The following RBMS3 variants were observed in gnomAD, a reference collection of about 807,000 sequenced individuals.
RBMS3 encodes the protein RNA-binding motif, single-stranded-interacting protein 3.
A neutral mutation model predicts 66.8 loss-of-function variants in RBMS3; 27 were observed. That is an observed-to-expected ratio of 0.40 (90% confidence interval 0.30 to 0.56). The LOEUF is 0.56. RBMS3 is among the 20% of genes least tolerant of loss of function. RBMS3 has a pLI of 0.40. For missense variants in RBMS3, 513 were observed against 549.5 expected, an observed-to-expected ratio of 0.93 and a Z score of 0.66; for synonymous variants, 188 against 183.0, an observed-to-expected ratio of 1.03 and a Z score of -0.22.
intron 12 of RBMS3, among the ~76,000 whole-genome samples, chr3:29,955,410 C>A (rs756035321): frequency 2.0e-5 from 3 of 151,986 alleles, no homozygotes; most frequent in Non-Finnish European, 4.4e-5. Flanking sequence ...ATTTCAAAGT[C>A]ACTGCCACTC....
At chr3:29,742,900 A>C (rs1052351818) in intron 5 of RBMS3, among the ~76,000 whole-genome samples, 1 of 152,246 alleles carries the variant, frequency 6.6e-6, no homozygotes, top group African/African-American at 2.4e-5. Context: ...TGTATTTCAG[A>C]AAGTGCCATG....
chr3:29,714,048 C>CT, intron 4 of RBMS3, among the ~76,000 whole-genome samples: 1 of 152,188 alleles, frequency 6.6e-6, no homozygotes, highest in East Asian at 1.9e-4. Context: ...GAGGGCGACT[C>CT]TGTCTCAAAA....
intron 4 of RBMS3, among the ~76,000 whole-genome samples, chr3:29,615,698 G>C (rs1365883733): frequency 6.6e-6 from 1 of 152,180 alleles, no homozygotes; most frequent in Non-Finnish European, 1.5e-5. Flanking sequence ...CAACATAGCT[G>C]TGGTAAACTT....
intron 12 of RBMS3, among the ~76,000 whole-genome samples, chr3:29,960,553 AC>A (rs1696360758): frequency 6.6e-6 from 1 of 152,118 alleles, no homozygotes; most frequent in South Asian, 2.1e-4. Flanking sequence ...GGGAACTCGC[AC>A]CCCACATTTC....
At chr3:29,625,691 G>A (rs1398607189) in intron 4 of RBMS3, among the ~76,000 whole-genome samples, 1 of 128,600 alleles carries the variant, frequency 7.8e-6, no homozygotes, top group Non-Finnish European at 1.6e-5. Flanking sequence ...AGAGTGAAAC[G>A]CCATTAAAGT....
rs1699811494 is a variant in RBMS3, at chr3:30,006,694, G to C, written c.*2832G>C. 1.3e-5 allele frequency: 2 copies of C among 151,802 alleles called. No homozygotes were observed. Among genetic ancestry groups the C allele is most frequent in the Non-Finnish European group, 2.9e-5 (2 of 67,866 alleles). 9.4% of individuals were successfully genotyped at this position (151,802 alleles called of 1,614,324 possible). ...GGATTATCCTGGGCATAATTCATTTGAATATGAAACCAACATACTTTCTTT... is the reference window on the plus strand; with the variant it reads ...GGATTATCCTGGGCATAATTCATTTCAATATGAAACCAACATACTTTCTTT... On this transcript the variant is annotated 3_prime_UTR_variant, in exon 15 of 15. Coordinates refer to ENST00000383767, the MANE Select transcript of RBMS3 (RefSeq NM_001003793.3).
At chr3:29,411,617 T>G (rs1392672620) in intron 1 of RBMS3, among the ~76,000 whole-genome samples, 1 of 152,056 alleles carries the variant, frequency 6.6e-6, no homozygotes, top group Non-Finnish European at 1.5e-5. Context: ...AGAGAGAGAG[T>G]GAAACTTTTA....
chr3:29,354,890 T>C (rs2037127708), intron 1 of RBMS3, among the ~76,000 whole-genome samples: 1 of 151,012 alleles, frequency 6.6e-6, no homozygotes, highest in Admixed American at 6.6e-5. Context: ...TCTAAGAACT[T>C]CAACTATATT....
At chr3:29,710,629 CAT>C (rs1186408273) in intron 4 of RBMS3, among the ~76,000 whole-genome samples, 2 of 152,148 alleles carry the variant, frequency 1.3e-5, no homozygotes, top group Non-Finnish European at 2.9e-5. Flanking sequence ...CAAGTGAAAA[CAT>C]AGTGTGTTAG....
chr3:29,669,673 G>A (rs1450225719), intron 4 of RBMS3, among the ~76,000 whole-genome samples: 2 of 152,150 alleles, frequency 1.3e-5, no homozygotes, highest in East Asian at 3.8e-4. Context: ...GGTTCCATGG[G>A]TGATTTTTTT....
chr3:29,917,718 C>T (rs2060674616), intron 10 of RBMS3, among the ~76,000 whole-genome samples: 1 of 152,064 alleles, frequency 6.6e-6, no homozygotes, highest in Non-Finnish European at 1.5e-5. Context: ...CTCCCAAAAC[C>T]TCTCCTGAAA....
chr3:29,865,136 A>AAGGAAGGAAGGAAGGAAGGAAGGAAG (rs2059328128), intron 6 of RBMS3, among the ~76,000 whole-genome samples: 1 of 112,868 alleles, frequency 8.9e-6, no homozygotes, highest in African/African-American at 5.0e-5. Context: ...AAGGAAGGAA[A>AAGGAAGGAAGGAAGGAAGGAAGGAAG]TTTGCCTAGT....
In RBMS3 at chr3:29,867,601, C is replaced by G. The variant is rs188123344; in HGVS notation, c.638-1257C>G. Among the ~76,000 whole-genome samples, 37 of 149,246 alleles carry G rather than the reference C, an allele frequency of 2.5e-4. 1 individual carries two copies. ...GCTAACCTGGGCATGTTCACATATCCATGCAGAGGAGCAAAAGAAGCAACT... is the reference window on the plus strand; with the variant it reads ...GCTAACCTGGGCATGTTCACATATCGATGCAGAGGAGCAAAAGAAGCAACT... On this transcript the variant is annotated intron_variant, in intron 6 of 14. Transcript: ENST00000383767.
intron 12 of RBMS3, among the ~76,000 whole-genome samples, chr3:29,945,524 A>G (rs888056139): frequency 6.6e-6 from 1 of 151,674 alleles, no homozygotes; most frequent in Non-Finnish European, 1.5e-5. Context: ...TCATATCTTA[A>G]CATGCCAATT....
intron 4 of RBMS3, among the ~76,000 whole-genome samples, chr3:29,606,658 A>G (rs2048328802): frequency 6.6e-6 from 1 of 151,958 alleles, no homozygotes; most frequent in South Asian, 2.1e-4. Flanking sequence ...TCACAACCAG[A>G]CATAAGTGGA....
intron 14 of RBMS3, among the ~76,000 whole-genome samples, chr3:29,996,186 G>A (rs887556275): frequency 1.3e-5 from 2 of 149,402 alleles, no homozygotes; most frequent in Non-Finnish European, 3.0e-5. Context: ...ATTACATAAT[G>A]GTAAAGGGAT....
chr3:29,476,485 A>G (rs1383919382), intron 2 of RBMS3, among the ~76,000 whole-genome samples: 1 of 152,236 alleles, frequency 6.6e-6, no homozygotes, highest in African/African-American at 2.4e-5. Context: ...TTATGCGATT[A>G]TGAATTATTT....
intron 6 of RBMS3, among the ~76,000 whole-genome samples, chr3:29,858,511 A>G (rs1483182985): frequency 6.6e-6 from 1 of 152,170 alleles, no homozygotes; most frequent in East Asian, 1.9e-4. Flanking sequence ...TAGCCACACA[A>G]GTTTCGCTAG....
chr3:30,006,879 A>G lies in RBMS3; in HGVS notation c.*3017A>G, dbSNP rs1699816131. 6.6e-6 allele frequency: 1 copy of G among 152,018 alleles called. No homozygotes were observed. Among genetic ancestry groups the G allele is most frequent in the African/African-American group, 2.4e-5 (1 of 41,426 alleles). The allele number at this position is 152,018 out of a possible 1,614,324, so 9.4% of individuals were successfully genotyped here. ...TTCAAAACTGCTGCTTTATTTGTAC[A>G]TTCAGAAATATTTTTTTCAACTATG... On this transcript the variant is annotated 3_prime_UTR_variant, in exon 15 of 15. Transcript: ENST00000383767.
Sources: allele counts gnomAD v4.1 joint callset (sites outside exome capture counted in the v4.1 genomes callset), GRCh38; gene constraint gnomAD v4.1.1; transcripts MANE v1.5; gene names NCBI Gene and HGNC (gene_info 2026-07-23, HGNC 2026-07-21).